The following TPRG1 variants were observed in gnomAD, a reference collection of about 807,000 sequenced individuals.
The protein encoded by TPRG1 is tumor protein p63 regulated 1.
TPRG1 carries 29 observed loss-of-function variants against 29.3 expected under a neutral mutation model. That is an observed-to-expected ratio of 0.99 (90% CI 0.74 to 1.35). TPRG1 has a LOEUF of 1.35. Among genes scored for constraint, TPRG1 ranks in the 40% most tolerant of loss-of-function variants. The probability of loss-of-function intolerance (pLI) is 0.00; values close to 1 mark genes in which losing one functional copy is unlikely to be tolerated. For synonymous variants in TPRG1, 130 were observed against 116.8 expected, an observed-to-expected ratio of 1.11 and a Z score of -0.73; for missense variants, 327 against 335.0, an observed-to-expected ratio of 0.98 and a Z score of 0.19.
intron 4 of TPRG1, among the ~76,000 whole-genome samples, chr3:189,280,675 G>A (rs1241537966): frequency 2.6e-5 from 4 of 152,100 alleles, no homozygotes; most frequent in East Asian, 1.9e-4. Flanking sequence ...CACAGGACTC[G>A]AAGACAGATA....
At chr3:189,267,179 GTAACATGCTGT>G (rs1426052357) in intron 4 of TPRG1, among the ~76,000 whole-genome samples, 2 of 152,166 alleles carry the variant, frequency 1.3e-5, no homozygotes, top group East Asian at 3.8e-4. Context: ...ATTCAGTACA[GTAACATGCTGT>G]TACATGTTTA....
chr3:189,228,569 G>T (rs1738156188), intron 3 of TPRG1, among the ~76,000 whole-genome samples: 1 of 151,996 alleles, frequency 6.6e-6, no homozygotes, highest in African/African-American at 2.4e-5. Context: ...ACAAAACTCA[G>T]CACCCACTCA....
intron 4 of TPRG1, among the ~76,000 whole-genome samples, chr3:189,026,159 A>G (rs904470254): frequency 3.9e-5 from 6 of 152,168 alleles, no homozygotes; most frequent in African/African-American, 1.4e-4. Context: ...TGAAATTATG[A>G]TGCTAACAGG....
At chr3:189,013,935 G>A (rs1712784216) in intron 3 of TPRG1, among the ~76,000 whole-genome samples, 1 of 152,160 alleles carries the variant, frequency 6.6e-6, no homozygotes, top group Admixed American at 6.5e-5. Flanking sequence ...TAGCATTGCA[G>A]TGGGTGTTGG....
At chr3:189,202,045 G>A (rs1043166403) in intron 1 of TPRG1, among the ~76,000 whole-genome samples, 2 of 152,134 alleles carry the variant, frequency 1.3e-5, no homozygotes, top group Non-Finnish European at 2.9e-5. Flanking sequence ...AACTAAGTGT[G>A]GCTGGTTATG....
At chr3:189,000,185 C>T (rs1295753277) in intron 1 of TPRG1, among the ~76,000 whole-genome samples, 1 of 151,934 alleles carries the variant, frequency 6.6e-6, no homozygotes, top group Non-Finnish European at 1.5e-5. Flanking sequence ...TTGGATTTTT[C>T]TTTTTGATTT....
chr3:189,108,847 C>A (rs977563590), intron 1 of TPRG1, among the ~76,000 whole-genome samples: 1 of 152,030 alleles, frequency 6.6e-6, no homozygotes, highest in Non-Finnish European at 1.5e-5. Context: ...TGAGGTGGAG[C>A]TGCATTTGAA....
At chr3:189,113,891 A>G (rs901950503) in intron 1 of TPRG1, among the ~76,000 whole-genome samples, 5 of 151,164 alleles carry the variant, frequency 3.3e-5, no homozygotes, top group African/African-American at 1.2e-4. Context: ...CACATTGTGC[A>G]CATGTACCCT....
chr3:189,167,364 A>G (rs1461770579), upstream of TPRG1, among the ~76,000 whole-genome samples: 2 of 152,178 alleles, frequency 1.3e-5, no homozygotes, highest in African/African-American at 4.8e-5. Context: ...TTTGTAAGGA[A>G]GGGCATTTCA....
intron 4 of TPRG1, among the ~76,000 whole-genome samples, chr3:189,253,276 G>A (rs928604977): frequency 1.3e-5 from 2 of 151,946 alleles, no homozygotes; most frequent in African/African-American, 4.8e-5. Flanking sequence ...ACTCCCACTT[G>A]TGAGTGAACT....
chr3:189,051,541 A>G (rs1006673526), intron 4 of TPRG1, among the ~76,000 whole-genome samples: 17 of 152,134 alleles, frequency 1.1e-4, no homozygotes, highest in African/African-American at 3.6e-4. Context: ...TACAAATTCA[A>G]GCAATCCTCA....
intron 3 of TPRG1, among the ~76,000 whole-genome samples, chr3:189,018,240 TC>T (rs1282684121): frequency 1.4e-5 from 2 of 145,414 alleles, no homozygotes; most frequent in Non-Finnish European, 3.0e-5. Context: ...TTTAATTAGA[TC>T]CCATTTGTCA....
chr3:189,086,717 C>G (rs1023125059), intron 4 of TPRG1, among the ~76,000 whole-genome samples: 3 of 152,074 alleles, frequency 2.0e-5, no homozygotes, highest in Admixed American at 1.3e-4. Context: ...TTAGTAGACA[C>G]AGGGTTTCTC....
At chr3:189,282,035 C>G (rs1042563231) in intron 4 of TPRG1, among the ~76,000 whole-genome samples, 2 of 151,968 alleles carry the variant, frequency 1.3e-5, no homozygotes, top group Non-Finnish European at 2.9e-5. Context: ...CACCCACCAC[C>G]ACGCTTGTCT....
chr3:189,284,351 C>T (rs1237226590), intron 4 of TPRG1, among the ~76,000 whole-genome samples: 3 of 120,668 alleles, frequency 2.5e-5, no homozygotes, highest in East Asian at 2.9e-4. Flanking sequence ...TCCCTCCCCC[C>T]CCCTCCCCCC....
chr3:189,011,075 G>T (rs544031777), intron 3 of TPRG1, among the ~76,000 whole-genome samples: 41 of 152,162 alleles, frequency 2.7e-4, no homozygotes, highest in African/African-American at 9.9e-4. Context: ...GATGGTTATA[G>T]GTGTGTGGTC....
chr3:189,305,809 T>C (rs987992917), intron 4 of TPRG1, among the ~76,000 whole-genome samples: 1 of 152,170 alleles, frequency 6.6e-6, no homozygotes, highest in Non-Finnish European at 1.5e-5. Context: ...TCCATGACTA[T>C]TACAAACCTT....
At chr3:189,295,156 T>C (rs1047521597) in intron 4 of TPRG1, among the ~76,000 whole-genome samples, 4 of 152,236 alleles carry the variant, frequency 2.6e-5, no homozygotes, top group Admixed American at 1.3e-4. Flanking sequence ...TCTTCCAAAA[T>C]TGACTTATCC....
At chr3:189,299,798 T>G (rs1720553613) in intron 4 of TPRG1, among the ~76,000 whole-genome samples, 1 of 152,206 alleles carries the variant, frequency 6.6e-6, no homozygotes, top group Non-Finnish European at 1.5e-5. Context: ...ATAGAATAAT[T>G]TCATATTGAT....
Sources: gnomAD v4.1 joint callset for allele counts (sites outside exome capture counted in the v4.1 genomes callset) on GRCh38, gnomAD v4.1.1 for gene constraint, MANE v1.5 for transcripts, NCBI Gene and HGNC (gene_info 2026-07-23, HGNC 2026-07-21) for gene names.